ULK4: variants seen among roughly 807,000 people sequenced by gnomAD.
The protein encoded by ULK4 is inactive serine/threonine-protein kinase ULK4.
A neutral mutation model predicts 160.6 loss-of-function variants in ULK4; 133 were observed. The ratio of observed to expected loss-of-function variants is 0.83; its 90% confidence interval spans 0.72 to 0.96. The LOEUF is 0.96. ULK4 is among the 40% of genes least tolerant of loss of function. ULK4 has a pLI of 0.00. For synonymous variants in ULK4, 534 were observed against 539.8 expected (o/e 0.99, Z 0.15); for missense variants, 1,580 against 1,499.5 (o/e 1.05, Z -0.89).
At chr3:41,565,082 G>A (rs544490220) in intron 32 of ULK4, among the ~76,000 whole-genome samples, 1 of 152,250 alleles carries the variant, frequency 6.6e-6, no homozygotes, top group Admixed American at 6.5e-5. Flanking sequence ...TAGTCTACGG[G>A]CAATAGGCAA....
intron 29 of ULK4, among the ~76,000 whole-genome samples, chr3:41,672,567 A>G (rs1335761716): frequency 6.6e-6 from 1 of 152,176 alleles, no homozygotes; most frequent in African/African-American, 2.4e-5. Context: ...AGAGTGGGGA[A>G]TGAAGAAAAG....
chr3:41,872,892 T>C (rs1355595804), intron 17 of ULK4, among the ~76,000 whole-genome samples: 1 of 151,840 alleles, frequency 6.6e-6, no homozygotes, highest in African/African-American at 2.4e-5. Flanking sequence ...CAGTGGCTCA[T>C]GCCTGTAATC....
At chr3:41,434,059 A>G (rs1193395657) in intron 34 of ULK4, among the ~76,000 whole-genome samples, 1 of 152,226 alleles carries the variant, frequency 6.6e-6, no homozygotes, top group African/African-American at 2.4e-5. Flanking sequence ...GATACCACAA[A>G]TGGAAAATTC....
chr3:41,844,154 C>T (rs1176599113), intron 17 of ULK4, among the ~76,000 whole-genome samples: 1 of 152,206 alleles, frequency 6.6e-6, no homozygotes. Flanking sequence ...CTGCCAGTCC[C>T]GTGCCCTGTG....
intron 12 of ULK4, among the ~76,000 whole-genome samples, chr3:41,906,053 TA>T (rs1462528579): frequency 6.6e-6 from 1 of 151,122 alleles, no homozygotes; most frequent in African/African-American, 2.4e-5. Flanking sequence ...CCGTCTGCAC[TA>T]AAAACACAAA....
At chr3:41,875,502 T>C (rs1200317563) in intron 17 of ULK4, among the ~76,000 whole-genome samples, 5 of 152,176 alleles carry the variant, frequency 3.3e-5, no homozygotes, top group Admixed American at 6.5e-5. Context: ...CATGGTGGCA[T>C]GCACCTCTAG....
At chr3:41,733,193 A>G (rs987438239) in intron 22 of ULK4, among the ~76,000 whole-genome samples, 2 of 152,182 alleles carry the variant, frequency 1.3e-5, no homozygotes, top group Non-Finnish European at 2.9e-5. Context: ...GTGTATACAC[A>G]TACCTAAACA....
intron 8 of ULK4, among the ~76,000 whole-genome samples, chr3:41,915,745 T>G (rs190972576): frequency 6.6e-6 from 1 of 152,306 alleles, no homozygotes; most frequent in Admixed American, 6.5e-5. Context: ...ACTTCAAAAA[T>G]TCCTCATGAT....
Position 41,800,134 on chromosome 3 carries a change from A to T in ULK4, c.2008T>A (p.Ser670Thr). 6.2e-7 allele frequency: 1 copy of T among 1,602,574 alleles called. No homozygotes were observed. The highest frequency in any genetic ancestry group is 8.5e-7 in the Non-Finnish European group (1 of 1,176,764). Reference protein sequence around the residue: ...TADSLRITAVSALCRITRHSP... With the variant: ...TADSLRITAVTALCRITRHSP... ...CCCCAAAAGATGCTTCATCTTACCG[A>T]TACTGCTGTTATCCTAAGAGAATCA... Residue 670 changes from serine to threonine, a missense_variant and splice_region_variant, in exon 20 of 37, where the codon TCG becomes ACG. By Grantham distance (58) the Ser-to-Thr change is moderately conservative. Transcript: ENST00000301831.
chr3:41,938,118 A>C lies in ULK4; in HGVS notation c.218T>G (p.Leu73Arg). 28 of 1,612,970 alleles carry C rather than the reference A, an allele frequency of 1.7e-5. No homozygotes were observed. Among genetic ancestry groups the C allele is most frequent in the Non-Finnish European group, 2.4e-5 (28 of 1,179,224 alleles). The part of the protein sequence containing the change: ...EWYETSNHLW[L>R]VVELCTGGSL... ...CTTACCTGTGCAGAGTTCCACCACT[A>C]GCCAGAGGTGGTTGCTTGTTTCATA... is the stretch of plus-strand genomic sequence containing the variant. Residue 73 changes from leucine (L) to arginine (R), a missense_variant, in exon 3 of 37, where the codon CTA becomes CGA. Leu to Arg is a moderately radical substitution (Grantham distance 102). Transcript: ENST00000301831.
rs145870454 is a variant in ULK4 at position 41,428,281 on chromosome 3, T to C, written c.3492+27216A>G. Among the ~76,000 whole-genome samples, 417 of 152,208 alleles carry C rather than the reference T, an allele frequency of 2.7e-3. 4 individuals carry two copies. The highest frequency in any genetic ancestry group is 5.0e-3 in the Admixed American group (77 of 15,294). On this transcript the variant is annotated intron_variant, in intron 34 of 36. Transcript: ENST00000301831. ...GGAAATCAGAGAGGACATAAACAGA[T>C]GGAAAAACATTCCATGCTCATGGAT...
intron 34 of ULK4, among the ~76,000 whole-genome samples, chr3:41,424,651 G>A (rs1033942235): frequency 1.3e-5 from 2 of 152,130 alleles, no homozygotes; most frequent in South Asian, 2.1e-4. Flanking sequence ...GGTCTGGAGT[G>A]GACACCCAGC....
intron 32 of ULK4, among the ~76,000 whole-genome samples, chr3:41,531,670 T>C (rs1228714523): frequency 6.6e-6 from 1 of 152,180 alleles, no homozygotes; most frequent in African/African-American, 2.4e-5. Flanking sequence ...CTGTAAGGTG[T>C]TTTATTCCTC....
intron 25 of ULK4, among the ~76,000 whole-genome samples, chr3:41,711,504 T>C (rs1297035182): frequency 6.6e-6 from 1 of 152,154 alleles, no homozygotes; most frequent in African/African-American, 2.4e-5. Context: ...AATAAGTAAA[T>C]ATATACTATC....
rs542678247 is a variant in ULK4 at position 41,876,963 on chromosome 3, A to C, written c.1656+6911T>G. Among the ~76,000 whole-genome samples the C allele has an allele frequency of 2.6e-5, 4 of 152,276 alleles. No homozygotes were observed. The South Asian group carries it at 8.3e-4, about 32-fold the overall frequency. On this transcript the variant is annotated intron_variant, in intron 17 of 36. Transcript: ENST00000301831. ...CAGTGACAGTTTATTGGGTTTTCAC[A>C]CTTGGCAATAATTCATTAAGCAATA... is the stretch of plus-strand genomic sequence containing the variant.
At chr3:41,745,545 T>G (rs2038392284) in intron 22 of ULK4, among the ~76,000 whole-genome samples, 1 of 151,700 alleles carries the variant, frequency 6.6e-6, no homozygotes, top group Non-Finnish European at 1.5e-5. Context: ...CCCCAATGGA[T>G]TCACTAGAGA....
At chr3:41,907,371 A>G (rs180920882) in intron 12 of ULK4, among the ~76,000 whole-genome samples, 3 of 151,720 alleles carry the variant, frequency 2.0e-5, no homozygotes, top group Admixed American at 1.3e-4. Flanking sequence ...GTCATTGCTC[A>G]CTGCAGCCTC....
chr3:41,700,834 G>A (rs776382677), intron 27 of ULK4, among the ~76,000 whole-genome samples: 17 of 152,018 alleles, frequency 1.1e-4, no homozygotes, highest in Non-Finnish European at 8.8e-5. Context: ...AATAAGTCAC[G>A]CACTAGAAAA....
chr3:41,742,551 A>G (rs539008398), intron 22 of ULK4, among the ~76,000 whole-genome samples: 30 of 151,986 alleles, frequency 2.0e-4, no homozygotes, highest in Non-Finnish European at 3.5e-4. Flanking sequence ...GACCTAGGCA[A>G]AATGTCCAGG....
Sources: gnomAD v4.1 joint callset for allele counts (sites outside exome capture counted in the v4.1 genomes callset) on GRCh38, gnomAD v4.1.1 for gene constraint, MANE v1.5 for transcripts, NCBI Gene and HGNC (gene_info 2026-07-23, HGNC 2026-07-21) for gene names.